STIM1: variants seen among roughly 807,000 people sequenced by gnomAD.
STIM1 encodes the protein stromal interaction molecule 1.
Under a neutral mutation model 74.7 loss-of-function variants are expected in STIM1, and 25 were observed. The ratio of observed to expected loss-of-function variants is 0.33; its 90% CI spans 0.24 to 0.47. STIM1 has a LOEUF of 0.47. STIM1 is among the 20% of genes least tolerant of loss of function. The probability of loss-of-function intolerance (pLI) is 1.00; values close to 1 mark genes in which losing one functional copy is unlikely to be tolerated. For synonymous variants in STIM1, 328 were observed against 348.8 expected (o/e 0.94, Z 0.66); for missense variants, 728 against 920.8 (o/e 0.79, Z 2.71).
At chr11:3,974,083 C>A in intron 2 of STIM1, 2 of 703,716 alleles carry the variant, frequency 2.8e-6, no homozygotes, top group Non-Finnish European at 5.1e-6. Context: ...CCCTGGAGCA[C>A]TTGGTATTTG....
At chr11:3,865,664 A>G (rs2090826874) in intron 1 of STIM1, among the ~76,000 whole-genome samples, 1 of 152,206 alleles carries the variant, frequency 6.6e-6, no homozygotes, top group African/African-American at 2.4e-5. Flanking sequence ...TGGGATGTAC[A>G]GTATAGGCAT....
intron 1 of STIM1, among the ~76,000 whole-genome samples, chr11:3,876,154 G>T (rs890123565): frequency 6.6e-5 from 10 of 152,198 alleles, no homozygotes; most frequent in Non-Finnish European, 1.3e-4. Flanking sequence ...GATAATGTAT[G>T]TGAAAGTCTT....
At chr11:4,014,667 A>G (rs1415231971) in intron 2 of STIM1, among the ~76,000 whole-genome samples, 2 of 152,090 alleles carry the variant, frequency 1.3e-5, no homozygotes, top group African/African-American at 4.8e-5. Flanking sequence ...GTCTCCCATT[A>G]TTATTGTGTG....
intron 1 of STIM1, among the ~76,000 whole-genome samples, chr11:3,882,369 G>A (rs923816271): frequency 1.3e-5 from 2 of 152,100 alleles, no homozygotes; most frequent in Admixed American, 6.5e-5. Context: ...AAAGTGCTGG[G>A]ATTACAGGTG....
Position 4,074,499 on chromosome 11 carries a change from C to A in STIM1, c.792-3C>A, listed in dbSNP as rs201348785. 2.9e-5 allele frequency: 46 copies of A among 1,613,428 alleles called. No homozygotes were observed. The highest frequency in any genetic ancestry group is 1.3e-4 in the African/African-American group (10 of 75,040). ...CCTCCAGCTCCCTGCATTGCCCCCC[C>A]AGGCTGCACAAGGCCCAGGAGGAGC... On this transcript the variant is annotated splice_polypyrimidine_tract_variant and splice_region_variant and intron_variant, in intron 6 of 12. Coordinates refer to ENST00000526596, the MANE Select transcript of STIM1 (RefSeq NM_001382567.1).
intron 2 of STIM1, among the ~76,000 whole-genome samples, chr11:3,972,708 C>T (rs2093408436): frequency 6.6e-6 from 1 of 152,088 alleles, no homozygotes; most frequent in Non-Finnish European, 1.5e-5. Context: ...GCCCTGCCAC[C>T]ACTGTGCTTG....
chr11:4,086,698 A>G, intron 12 of STIM1, 155 bp downstream of exon 12: 1 of 1,539,358 alleles, frequency 6.5e-7, no homozygotes, highest in South Asian at 1.2e-5. Flanking sequence ...TTCCATCACC[A>G]CCATCACCAC....
At chr11:3,968,585 C>G (rs919226384) in intron 2 of STIM1, among the ~76,000 whole-genome samples, 2 of 152,156 alleles carry the variant, frequency 1.3e-5, no homozygotes, top group Non-Finnish European at 2.9e-5. Flanking sequence ...GCATTCAACA[C>G]AATTATGTTT....
rs1424089707 is a variant in STIM1 at position 4,091,438 on chromosome 11, G to C, written c.1791G>C (p.Gly597=). The change falls in exon 13 of 13, where the codon GGG becomes GGC. Residue 597 remains glycine (G), a synonymous_variant. Coordinates refer to ENST00000526596, the MANE Select transcript of STIM1 (RefSeq NM_001382567.1). ...SHRLIEGVHP[G]SLVEKLPDSP... ...GGCTGATCGAGGGGGTCCACCCAGG[G>C]TCTCTGGTGGAGAAACTGCCTGACA... 2 of 1,614,072 alleles carry C rather than the reference G, an allele frequency of 1.2e-6. No individual in the cohort carries two copies. The highest frequency in any genetic ancestry group is 1.7e-6 in the Non-Finnish European group (2 of 1,180,034).
intron 1 of STIM1, among the ~76,000 whole-genome samples, chr11:3,894,473 A>C (rs1433347823): frequency 6.6e-6 from 1 of 152,146 alleles, no homozygotes; most frequent in Non-Finnish European, 1.5e-5. Context: ...CAGCCTGAAC[A>C]AGAGCCCAAA....
intron 1 of STIM1, chr11:3,903,683 T>C (rs1215836790): frequency 1.3e-5 from 2 of 152,210 alleles, no homozygotes; most frequent in Non-Finnish European, 2.9e-5. Flanking sequence ...TATTGAGACT[T>C]CCTGTTGTCA....
At chr11:3,911,616 G>T (rs1035212373) in intron 1 of STIM1, among the ~76,000 whole-genome samples, 1 of 151,716 alleles carries the variant, frequency 6.6e-6, no homozygotes, top group African/African-American at 2.4e-5. Flanking sequence ...CAAACTCCTG[G>T]GTTCAAGTGA....
intron 12 of STIM1, 64 bp downstream of exon 12, chr11:4,086,607 C>T: frequency 6.2e-7 from 1 of 1,604,346 alleles, no homozygotes. Flanking sequence ...GAATGCGCAG[C>T]CTTTCATCTG....
intron 9 of STIM1, 71 bp downstream of exon 9, chr11:4,083,053 C>T (rs932500432): frequency 1.2e-5 from 16 of 1,383,262 alleles, no homozygotes; most frequent in Middle Eastern, 1.8e-4. Context: ...TACAGGGCCT[C>T]CAACACCAAT....
chr11:3,910,935 G>T (rs1216105299), intron 1 of STIM1, among the ~76,000 whole-genome samples: 1 of 152,100 alleles, frequency 6.6e-6, no homozygotes, highest in African/African-American at 2.4e-5. Context: ...GCAATGAGCT[G>T]AGATCGCACC....
chr11:3,945,523 C>T (rs564970297), intron 1 of STIM1, among the ~76,000 whole-genome samples: 6 of 152,180 alleles, frequency 3.9e-5, no homozygotes, highest in East Asian at 1.9e-4. Context: ...CACTTGAACC[C>T]GGGAGGCGGA....
At chr11:3,879,015 G>A (rs2091403008) in intron 1 of STIM1, among the ~76,000 whole-genome samples, 1 of 152,042 alleles carries the variant, frequency 6.6e-6, no homozygotes, top group South Asian at 2.1e-4. Flanking sequence ...GAGTGCAGTG[G>A]CGTGATCTTG....
intron 12 of STIM1, among the ~76,000 whole-genome samples, chr11:4,087,690 G>T (rs2094501827): frequency 6.6e-6 from 1 of 151,680 alleles, no homozygotes; most frequent in Non-Finnish European, 1.5e-5. Flanking sequence ...GGAAGTGGAA[G>T]ACTACAGGAA....
rs2133265134 is a variant in STIM1 at position 4,091,575 on chromosome 11, A to G, written c.1928A>G (p.Asp643Gly). 1 of 1,614,034 alleles carries G rather than the reference A, an allele frequency of 6.2e-7. No individual in the cohort carries two copies. The highest frequency in any genetic ancestry group is 8.5e-7 in the Non-Finnish European group (1 of 1,180,024). ...SAPPGGSPHL[D>G]SSRSHSPSSP... ...CCACCTGGTGGCTCTCCACATTTGGATTCTTCCCGTTCTCACAGCCCCAGC... is the reference window on the plus strand; with the variant it reads ...CCACCTGGTGGCTCTCCACATTTGGGTTCTTCCCGTTCTCACAGCCCCAGC... Residue 643 changes from aspartate (D) to glycine (G), a missense_variant, in exon 13 of 13, where the codon GAT (aspartate) becomes GGT (glycine). Physicochemically the swap from Asp to Gly is moderately conservative, Grantham distance 94. Transcript: ENST00000526596.
Sources: allele counts gnomAD v4.1 joint callset (sites outside exome capture counted in the v4.1 genomes callset), GRCh38; gene constraint gnomAD v4.1.1; transcripts MANE v1.5; gene names NCBI Gene and HGNC (gene_info 2026-07-23, HGNC 2026-07-21).